ZKSCAN1: variants seen among roughly 807,000 people sequenced by gnomAD.
ZKSCAN1 encodes the protein zinc finger protein with KRAB and SCAN domains 1.
Under a neutral mutation model 51.6 loss-of-function variants are expected in ZKSCAN1, and 14 were observed. The ratio of observed to expected loss-of-function variants is 0.27; its 90% CI spans 0.18 to 0.42. The LOEUF is 0.42. Among genes scored for constraint, ZKSCAN1 ranks in the 10% least tolerant of loss-of-function variants. ZKSCAN1 has a pLI of 1.00. For missense variants in ZKSCAN1, 531 were observed against 710.0 expected, an observed-to-expected ratio of 0.75 and a Z score of 2.86; for synonymous variants, 263 against 261.5, an observed-to-expected ratio of 1.01 and a Z score of -0.06.
At chr7:100,016,741 A>G (rs1331939831) in intron 1 of ZKSCAN1, 3 of 152,222 alleles carry the variant, frequency 2.0e-5, no homozygotes, top group Non-Finnish European at 4.4e-5. Flanking sequence ...GGGACCAAAG[A>G]AAGCATTTAT....
downstream of ZKSCAN1, chr7:100,044,989 T>G: frequency 1.0e-6 from 1 of 985,160 alleles, no homozygotes; most frequent in African/African-American, 1.7e-5. Context: ...AATGCACCTT[T>G]TTAGAGAGAA....
In ZKSCAN1 at chr7:100,034,142, A is replaced by G; in HGVS notation, c.1637A>G (p.Glu546Gly). The G allele has an allele frequency of 6.4e-7, 1 of 1,571,654 alleles. No individual in the cohort carries two copies. The highest frequency in any genetic ancestry group is 8.6e-7 in the Non-Finnish European group (1 of 1,163,990). ...ATCCATGCCAGAGAGAGAGCCTCTG[A>G]GTACAGCCCAGCCTCCCTTGATGCA... ...HRIHARERASEYSPASLDAFG... is the reference protein window; with the variant it reads ...HRIHARERASGYSPASLDAFG... Residue 546 changes from glutamate (E) to glycine (G), a missense_variant, in exon 6 of 6, where the codon GAG (glutamate) becomes GGG (glycine). By Grantham distance (98) the Glu-to-Gly change is moderately conservative (BLOSUM62 -2). Coordinates refer to ENST00000324306, the MANE Select transcript of ZKSCAN1 (RefSeq NM_003439.4).
chr7:100,029,931 A>G lies in ZKSCAN1; in HGVS notation c.651A>G (p.Ala217=), dbSNP rs754323987. ...CCAGAGACCAGGCGATGGCATCTGC[A>G]CTATTCACAGCGGATTCCCAGGTGA... ...GSPRDQAMAS[A]LFTADSQAMV... is the part of the protein sequence containing the mutation. The change falls in exon 4 of 6, where the codon GCA becomes GCG. Residue 217 remains alanine, a synonymous_variant. Transcript: ENST00000324306. The G allele has an allele frequency of 8.1e-6, 13 of 1,613,988 alleles. No individual in the cohort carries two copies. Among genetic ancestry groups the G allele is most frequent in the Non-Finnish European group, 1.0e-5 (12 of 1,180,010 alleles).
intron 5 of ZKSCAN1, among the ~76,000 whole-genome samples, chr7:100,031,186 G>A (rs554789982): frequency 6.6e-6 from 1 of 151,174 alleles, no homozygotes; most frequent in South Asian, 2.1e-4. Context: ...CATGAAGGAT[G>A]TTACTAATGA....
At chr7:100,016,419 T>C (rs1790368427) in intron 1 of ZKSCAN1, among the ~76,000 whole-genome samples, 1 of 152,124 alleles carries the variant, frequency 6.6e-6, no homozygotes, top group Non-Finnish European at 1.5e-5. Context: ...TCTGGATAGT[T>C]GCTCTGTTTG....
In ZKSCAN1 at chr7:100,028,332, T is replaced by C. The variant is rs201250042; in HGVS notation, c.581-1529T>C. 4.6e-5 allele frequency among the ~76,000 whole-genome samples: 7 copies of C among 151,230 alleles called. No individual in the cohort carries two copies. The East Asian group carries it at 1.2e-3, about 25-fold the overall frequency. The stretch of plus-strand genomic sequence containing the variant: ...GCGCCATGCACACCAGCCTGGGTGA[T>C]AGAGCGAGACTCCATCTCCAAAAAA... On this transcript the variant is annotated intron_variant, in intron 3 of 5. Transcript: ENST00000324306.
At chr7:100,024,065 T>A in intron 2 of ZKSCAN1, 89 bp from the exon 3 acceptor site, 5 of 1,529,756 alleles carry the variant, frequency 3.3e-6, no homozygotes, top group Non-Finnish European at 4.4e-6. Context: ...TCTTCCTGCA[T>A]CCACTGGCAT....
chr7:100,037,488 A>G lies in ZKSCAN1; in HGVS notation c.*3291A>G. On this transcript the variant is annotated 3_prime_UTR_variant, in exon 6 of 6. Coordinates refer to ENST00000324306, the MANE Select transcript of ZKSCAN1 (RefSeq NM_003439.4). The stretch of plus-strand genomic sequence containing the variant: ...GAGGTTGACGTGTGATACGTGGGAC[A>G]GTTCACATAGACATCAGAGAATTTA... 1.0e-6 allele frequency: 1 copy of G among 985,496 alleles called. No homozygotes were observed. The highest frequency in any genetic ancestry group is 1.7e-5 in the African/African-American group (1 of 57,380). 61.0% of individuals were successfully genotyped at this position (985,496 alleles called of 1,614,324 possible).
In ZKSCAN1 at chr7:100,041,527, A is replaced by T; in HGVS notation, c.*7330A>T. 9 of 985,184 alleles carry T rather than the reference A, an allele frequency of 9.1e-6. No individual in the cohort carries two copies. The highest frequency in any genetic ancestry group is 1.1e-5 in the Non-Finnish European group (9 of 829,922). 61.0% of individuals were successfully genotyped at this position (985,184 alleles called of 1,614,324 possible). A position where few individuals can be genotyped will look rare whatever the true frequency, so the allele number is the denominator to read the frequency against. ...AGGCAGCATAATGAAATGTGTACAC[A>T]TACATAGTCAGTGGTCCATTTTAGG... On this transcript the variant is annotated 3_prime_UTR_variant, in exon 6 of 6. Transcript: ENST00000324306.
intron 5 of ZKSCAN1, among the ~76,000 whole-genome samples, chr7:100,031,830 A>G (rs939921000): frequency 6.6e-6 from 1 of 152,134 alleles, no homozygotes; most frequent in Non-Finnish European, 1.5e-5. Flanking sequence ...TAATCCCAAC[A>G]CTCGAGGAGG....
Position 100,039,833 on chromosome 7 carries a change from G to A in ZKSCAN1, c.*5636G>A. On this transcript the variant is annotated 3_prime_UTR_variant, in exon 6 of 6. Transcript: ENST00000324306. ...CTGGGAAATGGGGTGAAAGTCTGCA[G>A]ATTGTTAAATGAAATATAGAATCAG... 1.0e-6 allele frequency: 1 copy of A among 985,422 alleles called. No individual in the cohort carries two copies. Among genetic ancestry groups the A allele is most frequent in the Non-Finnish European group, 1.2e-6 (1 of 829,938 alleles). The allele number at this position is 985,422 out of a possible 1,614,324, so 61.0% of individuals were successfully genotyped here. A position where few individuals can be genotyped will look rare whatever the true frequency, so the allele number is the denominator to read the frequency against.
chr7:100,028,511 T>C lies in ZKSCAN1; in HGVS notation c.581-1350T>C, dbSNP rs902262046. Among the ~76,000 whole-genome samples, 51 of 152,150 alleles carry C rather than the reference T, an allele frequency of 3.4e-4. 2 individuals carry two copies. Among genetic ancestry groups the C allele is most frequent in the Admixed American group, 6.5e-5 (1 of 15,272 alleles). ...CTGGGTGACAGAGAGCCTATCTTAT[T>C]GTTGTATAAAGGTTTGAAATAGGTA... On this transcript the variant is annotated intron_variant, in intron 3 of 5. Coordinates refer to ENST00000324306, the MANE Select transcript of ZKSCAN1 (RefSeq NM_003439.4).
intron 1 of ZKSCAN1, among the ~76,000 whole-genome samples, chr7:100,021,116 C>CTTTTTTTTTTTTTTTTTTT (rs60632908): frequency 1.2e-5 from 1 of 85,292 alleles, no homozygotes; most frequent in Non-Finnish European, 2.2e-5. Context: ...TTTTTTTTTC[C>CTTTTTTTTTTTTTTTTTTT]TTTTTTTTTT....
chr7:100,032,044 A>G (rs1791129398), intron 5 of ZKSCAN1, among the ~76,000 whole-genome samples: 1 of 152,152 alleles, frequency 6.6e-6, no homozygotes, highest in Admixed American at 6.5e-5. Flanking sequence ...ATGCCACTGT[A>G]CTCCAGCCTG....
rs759267348 is a variant in ZKSCAN1, at chr7:100,041,585, A to C, written c.*7388A>C. The C allele has an allele frequency of 2.5e-4, 248 of 985,302 alleles. No individual in the cohort carries two copies. The highest frequency in any genetic ancestry group is 2.9e-4 in the Non-Finnish European group (241 of 829,938). 61.0% of individuals were successfully genotyped at this position (985,302 alleles called of 1,614,324 possible). ...TGGCGTCTGATAAAGAAATGTTAAGAGTAGTGAGGTTGAGGAAGGAAATTG... is the reference window on the plus strand; with the variant it reads ...TGGCGTCTGATAAAGAAATGTTAAGCGTAGTGAGGTTGAGGAAGGAAATTG... On this transcript the variant is annotated 3_prime_UTR_variant, in exon 6 of 6. Transcript: ENST00000324306.
chr7:100,028,852 G>A (rs1486267543), intron 3 of ZKSCAN1, among the ~76,000 whole-genome samples: 1 of 151,512 alleles, frequency 6.6e-6, no homozygotes, highest in Non-Finnish European at 1.5e-5. Context: ...AAAGTAGAGG[G>A]ACAAAAACTG....
chr7:100,043,293 C>G (rs564230773), downstream of ZKSCAN1, among the ~76,000 whole-genome samples: 2 of 149,794 alleles, frequency 1.3e-5, no homozygotes, highest in Admixed American at 6.6e-5. Context: ...TCTCGAACTC[C>G]TGTCCTCAAG....
chr7:100,032,106 G>T (rs1184433565), intron 5 of ZKSCAN1, among the ~76,000 whole-genome samples: 1 of 152,118 alleles, frequency 6.6e-6, no homozygotes, highest in South Asian at 2.1e-4. Flanking sequence ...AAAGTTTCTT[G>T]TTTGTTAATC....
Position 100,037,181 on chromosome 7 carries a change from A to G in ZKSCAN1, c.*2984A>G. On this transcript the variant is annotated 3_prime_UTR_variant, in exon 6 of 6. Transcript: ENST00000324306. ...CATCTAATTGGCGTTCAAGATAGTCATTCAAAAGTTCTTGGCCCGCTGAAG... is the reference window on the plus strand; with the variant it reads ...CATCTAATTGGCGTTCAAGATAGTCGTTCAAAAGTTCTTGGCCCGCTGAAG... 3.0e-6 allele frequency: 3 copies of G among 985,470 alleles called. No individual in the cohort carries two copies. Among genetic ancestry groups the G allele is most frequent in the Non-Finnish European group, 3.6e-6 (3 of 829,934 alleles). 61.0% of individuals were successfully genotyped at this position (985,470 alleles called of 1,614,324 possible).
Sources: allele counts gnomAD v4.1 joint callset (sites outside exome capture counted in the v4.1 genomes callset), GRCh38; gene constraint gnomAD v4.1.1; transcripts MANE v1.5; gene names NCBI Gene and HGNC (gene_info 2026-07-23, HGNC 2026-07-21).